KCND2: variants seen among roughly 807,000 people sequenced by gnomAD.
KCND2 encodes the protein A-type voltage-gated potassium channel KCND2.
Under a neutral mutation model 54.4 loss-of-function variants are expected in KCND2, and 16 were observed. That is an observed-to-expected ratio of 0.29 (90% confidence interval 0.20 to 0.45). The LOEUF (loss-of-function observed/expected upper bound fraction) is 0.45. Ranked by LOEUF, KCND2 falls within the 20% of genes least tolerant of loss-of-function variation. The pLI is 1.00. For synonymous variants in KCND2, 317 were observed against 310.7 expected (o/e 1.02, Z -0.21); for missense variants, 486 against 824.2 (o/e 0.59, Z 5.02).
chr7:120,539,018 A>G (rs1370884673), intron 1 of KCND2, among the ~76,000 whole-genome samples: 1 of 152,208 alleles, frequency 6.6e-6, no homozygotes, highest in African/African-American at 2.4e-5. Flanking sequence ...TGTAAAGTAA[A>G]TCACAAGAAA....
intron 1 of KCND2, among the ~76,000 whole-genome samples, chr7:120,512,594 T>C (rs1177513282): frequency 6.6e-6 from 1 of 152,028 alleles, no homozygotes; most frequent in Non-Finnish European, 1.5e-5. Context: ...GGAGGCTCAT[T>C]ATGAAGAGAA....
At chr7:120,376,947 C>T (rs2116015089) in intron 1 of KCND2, among the ~76,000 whole-genome samples, 1 of 151,960 alleles carries the variant, frequency 6.6e-6, no homozygotes, top group Non-Finnish European at 1.5e-5. Context: ...AGATGTATGT[C>T]TTCAGTTCAC....
At chr7:120,310,322 A>G (rs1474212117) in intron 1 of KCND2, among the ~76,000 whole-genome samples, 2 of 152,242 alleles carry the variant, frequency 1.3e-5, no homozygotes, top group African/African-American at 4.8e-5. Flanking sequence ...ACTGGTAATT[A>G]TATTTCAGTT....
At position 120,349,309 on chromosome 7, in the gene KCND2, AACACACACACACACACAAACACAC is replaced by A. The variant is rs1324390414; in HGVS notation, c.1115+73580_1115+73603del. Among the ~76,000 whole-genome samples the A allele has an allele frequency of 7.8e-5, 7 of 89,390 alleles. No homozygotes were observed. The South Asian group carries it at 2.5e-3, about 32-fold the overall frequency. 58.6% of individuals were successfully genotyped at this position (89,390 alleles called of 152,430 possible). Reference sequence around the variant, plus strand: ...ATCTAAGCTGCTATACACACACACAAACACACACACACACACAAACACACACACACACACACACACAGACACACG... The same window carrying A: ...ATCTAAGCTGCTATACACACACACAAACACACACACACACACAGACACACG... On this transcript the variant is annotated intron_variant, in intron 1 of 5. Coordinates refer to ENST00000331113, the MANE Select transcript of KCND2 (RefSeq NM_012281.3).
intron 1 of KCND2, among the ~76,000 whole-genome samples, chr7:120,390,981 A>G (rs747379194): frequency 7.9e-5 from 12 of 151,994 alleles, no homozygotes; most frequent in Non-Finnish European, 1.5e-4. Flanking sequence ...TATATGTGCC[A>G]TGGTGGTTTG....
intron 1 of KCND2, among the ~76,000 whole-genome samples, chr7:120,392,696 T>G (rs73433817): frequency 0.039 from 5,941 of 152,038 alleles, 142 homozygotes; most frequent in African/African-American, 0.05. Flanking sequence ...GAGTGATTCT[T>G]TTGCTAATCC....
At chr7:120,718,258 A>C (rs1792627142) in intron 1 of KCND2, among the ~76,000 whole-genome samples, 3 of 152,180 alleles carry the variant, frequency 2.0e-5, no homozygotes, top group Admixed American at 2.0e-4. Context: ...GGAACAGCAC[A>C]ACGCTTAACC....
At chr7:120,539,868 A>G (rs1424184794) in intron 1 of KCND2, among the ~76,000 whole-genome samples, 3 of 152,132 alleles carry the variant, frequency 2.0e-5, no homozygotes, top group South Asian at 4.1e-4. Flanking sequence ...CATATCTGCT[A>G]CTTTGTATCC....
At chr7:120,710,910 C>T (rs867475577) in intron 1 of KCND2, among the ~76,000 whole-genome samples, 1 of 151,978 alleles carries the variant, frequency 6.6e-6, no homozygotes, top group African/African-American at 2.4e-5. Flanking sequence ...ACTATTATAT[C>T]TTTTTTATAA....
intron 1 of KCND2, among the ~76,000 whole-genome samples, chr7:120,568,553 G>T (rs967211716): frequency 2.6e-5 from 4 of 152,046 alleles, no homozygotes; most frequent in African/African-American, 9.7e-5. Context: ...AAAATATGTG[G>T]CAAATGTTCC....
At position 120,655,598 on chromosome 7, in the gene KCND2, T is replaced by A. The variant is rs1297220400; in HGVS notation, c.1116-77305T>A. ...ATATTTCTTAAAGAGCATTGAGTTT[T>A]CCAGCAAACTCTCATGCTCAAGTAT... On this transcript the variant is annotated intron_variant, in intron 1 of 5. Coordinates refer to ENST00000331113, the MANE Select transcript of KCND2 (RefSeq NM_012281.3). 2.0e-5 allele frequency among the ~76,000 whole-genome samples: 3 copies of A among 152,088 alleles called. No individual in the cohort carries two copies. The East Asian group carries it at 5.8e-4, about 29-fold the overall frequency.
chr7:120,308,546 C>T (rs1361478438), intron 1 of KCND2, among the ~76,000 whole-genome samples: 1 of 152,274 alleles, frequency 6.6e-6, no homozygotes, highest in East Asian at 1.9e-4. Context: ...GTACTTGTTT[C>T]TTTATTATCA....
chr7:120,652,068 C>A (rs1380137303), intron 1 of KCND2, among the ~76,000 whole-genome samples: 1 of 150,174 alleles, frequency 6.7e-6, no homozygotes, highest in African/African-American at 2.5e-5. Context: ...CAGTCTATCT[C>A]TATCTTTTTT....
intron 1 of KCND2, among the ~76,000 whole-genome samples, chr7:120,598,020 A>G (rs190710296): frequency 1.3e-5 from 2 of 152,032 alleles, no homozygotes; most frequent in East Asian, 3.9e-4. Context: ...AAGAGCATTT[A>G]GCCTCCCCTG....
chr7:120,620,817 A>T (rs1351430738), intron 1 of KCND2, among the ~76,000 whole-genome samples: 1 of 152,224 alleles, frequency 6.6e-6, no homozygotes, highest in Non-Finnish European at 1.5e-5. Context: ...CTTACTGTTC[A>T]TGCAGGAACT....
At chr7:120,714,370 T>G (rs1391007519) in intron 1 of KCND2, among the ~76,000 whole-genome samples, 2 of 152,120 alleles carry the variant, frequency 1.3e-5, no homozygotes, top group African/African-American at 4.8e-5. Flanking sequence ...AAGTTGGTTG[T>G]ATAGAACACA....
chr7:120,300,443 A>G (rs370371711), intron 1 of KCND2, among the ~76,000 whole-genome samples: 1 of 152,070 alleles, frequency 6.6e-6, no homozygotes, highest in Non-Finnish European at 1.5e-5. Flanking sequence ...ACCTTAGAAA[A>G]TAAAGAGCAT....
Position 120,748,261 on chromosome 7 carries a change from A to G in KCND2, c.*403A>G, listed in dbSNP as rs1180212531. ...CCTGTTAAAACCATGAACATTGGCT[A>G]TGATGAAGATTATTACATATGAAAA... On this transcript the variant is annotated 3_prime_UTR_variant, in exon 6 of 6. Coordinates refer to ENST00000331113, the MANE Select transcript of KCND2 (RefSeq NM_012281.3). 1 of 166,512 alleles carries G rather than the reference A, an allele frequency of 6.0e-6. No homozygotes were observed. The highest frequency in any genetic ancestry group is 2.4e-5 in the African/African-American group (1 of 41,482). 10.3% of individuals were successfully genotyped at this position (166,512 alleles called of 1,614,324 possible). A position where few individuals can be genotyped will look rare whatever the true frequency, so the allele number is the denominator to read the frequency against.
At chr7:120,604,420 C>T (rs1269158175) in intron 1 of KCND2, among the ~76,000 whole-genome samples, 1 of 150,910 alleles carries the variant, frequency 6.6e-6, no homozygotes. Flanking sequence ...ATCACTTCAA[C>T]CCGGGGCGGG....
Sources: allele counts gnomAD v4.1 joint callset (sites outside exome capture counted in the v4.1 genomes callset), GRCh38; gene constraint gnomAD v4.1.1; transcripts MANE v1.5; gene names NCBI Gene and HGNC (gene_info 2026-07-23, HGNC 2026-07-21).